The following PRKCB variants were observed in gnomAD, a reference collection of about 807,000 sequenced individuals.
PRKCB encodes protein kinase C beta, also known as protein kinase C beta type.
PRKCB carries 13 observed loss-of-function variants against 81.5 expected under a neutral mutation model. The ratio of observed to expected loss-of-function variants is 0.16; its 90% CI spans 0.10 to 0.25. The LOEUF (loss-of-function observed/expected upper bound fraction) is 0.25. PRKCB is among the 10% of genes least tolerant of loss of function. The probability of loss-of-function intolerance (pLI) is 1.00; values close to 1 mark genes in which losing one functional copy is unlikely to be tolerated. For synonymous variants in PRKCB, 335 were observed against 321.4 expected, an observed-to-expected ratio of 1.04 and a Z score of -0.45; for missense variants, 509 against 875.7, an observed-to-expected ratio of 0.58 and a Z score of 5.29.
chr16:23,907,114 A>G (rs190925373), intron 2 of PRKCB, among the ~76,000 whole-genome samples: 6 of 152,280 alleles, frequency 3.9e-5, no homozygotes, highest in Non-Finnish European at 8.8e-5. Flanking sequence ...TGTCCCATGT[A>G]GTGTAGGATG....
At chr16:24,134,650 G>A (rs1217514510) in intron 9 of PRKCB, among the ~76,000 whole-genome samples, 3 of 152,144 alleles carry the variant, frequency 2.0e-5, no homozygotes, top group Non-Finnish European at 4.4e-5. Context: ...TCAAGAGGCT[G>A]AGGCAGGAGA....
chr16:23,930,367 G>A (rs564930200), intron 2 of PRKCB, among the ~76,000 whole-genome samples: 2 of 152,072 alleles, frequency 1.3e-5, no homozygotes, highest in South Asian at 2.1e-4. Context: ...CCAGGAGTTC[G>A]AAACCAGCCT....
chr16:23,973,553 C>T (rs1171176988), intron 2 of PRKCB, among the ~76,000 whole-genome samples: 1 of 151,916 alleles, frequency 6.6e-6, no homozygotes, highest in Non-Finnish European at 1.5e-5. Flanking sequence ...CTTTTTATTC[C>T]TACTTTATGG....
At chr16:23,918,695 C>T (rs1032514776) in intron 2 of PRKCB, among the ~76,000 whole-genome samples, 1 of 152,150 alleles carries the variant, frequency 6.6e-6, no homozygotes, top group Non-Finnish European at 1.5e-5. Context: ...CCATGCCAGG[C>T]CTTTTGTGTT....
intron 8 of PRKCB, among the ~76,000 whole-genome samples, 180 bp from the exon 9 acceptor site, chr16:24,123,655 G>C (rs974668917): frequency 6.6e-6 from 1 of 152,166 alleles, no homozygotes; most frequent in African/African-American, 2.4e-5. Context: ...ATAAAAGAAA[G>C]ATGGAGTTGC....
chr16:23,989,336 T>C (rs906383237), intron 3 of PRKCB, among the ~76,000 whole-genome samples: 1 of 152,134 alleles, frequency 6.6e-6, no homozygotes, highest in African/African-American at 2.4e-5. Context: ...CCTCCTGCCT[T>C]GGCCTCCCAA....
intron 2 of PRKCB, among the ~76,000 whole-genome samples, chr16:23,898,354 A>G (rs565220964): frequency 1.4e-3 from 219 of 152,196 alleles, no homozygotes; most frequent in African/African-American, 5.1e-3. Context: ...GGCGTGAGCC[A>G]CCGCACTGGA....
intron 9 of PRKCB, among the ~76,000 whole-genome samples, chr16:24,145,142 G>T (rs1966969932): frequency 6.6e-6 from 1 of 152,188 alleles, no homozygotes; most frequent in South Asian, 2.1e-4. Context: ...TAGGGGAAGA[G>T]TCATGCAGGC....
chr16:24,074,504 C>T (rs952843048), intron 5 of PRKCB, among the ~76,000 whole-genome samples: 1 of 152,122 alleles, frequency 6.6e-6, no homozygotes, highest in Non-Finnish European at 1.5e-5. Flanking sequence ...GTGCTTGGCT[C>T]ATATAGTAAG....
chr16:24,096,492 A>G (rs1176642656), intron 7 of PRKCB, among the ~76,000 whole-genome samples: 5 of 151,704 alleles, frequency 3.3e-5, no homozygotes, highest in African/African-American at 9.7e-5. Flanking sequence ...CCTGAAAGAT[A>G]TGAGCAACCC....
intron 2 of PRKCB, among the ~76,000 whole-genome samples, chr16:23,958,424 C>A (rs1388721623): frequency 3.9e-5 from 6 of 152,184 alleles, no homozygotes; most frequent in Non-Finnish European, 8.8e-5. Flanking sequence ...TCTGCCTCAG[C>A]CTCCTGAGTA....
At chr16:23,939,931 A>G in intron 2 of PRKCB, among the ~76,000 whole-genome samples, 1 of 152,204 alleles carries the variant, frequency 6.6e-6, no homozygotes, top group East Asian at 1.9e-4. Flanking sequence ...ATCTGGACCA[A>G]ATATTTGCAA....
intron 2 of PRKCB, among the ~76,000 whole-genome samples, chr16:23,926,276 G>A (rs945660739): frequency 6.6e-6 from 1 of 150,746 alleles, no homozygotes; most frequent in African/African-American, 2.4e-5. Context: ...GTTTTAGTCA[G>A]GACTTCAAGA....
At chr16:24,085,526 T>C (rs1441661388) in intron 5 of PRKCB, among the ~76,000 whole-genome samples, 2 of 152,196 alleles carry the variant, frequency 1.3e-5, no homozygotes, top group Non-Finnish European at 2.9e-5. Context: ...ATATAATTTA[T>C]TGTTAAAATT....
intron 9 of PRKCB, among the ~76,000 whole-genome samples, chr16:24,138,554 T>A (rs921677177): frequency 7.4e-6 from 1 of 135,576 alleles, no homozygotes; most frequent in Admixed American, 7.7e-5. Flanking sequence ...ATTTTATTTA[T>A]GTATTTTTTT....
intron 10 of PRKCB, among the ~76,000 whole-genome samples, chr16:24,161,734 G>A (rs1181443291): frequency 2.0e-5 from 3 of 152,130 alleles, no homozygotes; most frequent in Admixed American, 2.0e-4. Context: ...TCTGAATATG[G>A]ATTTCATCAT....
chr16:24,144,126 G>A (rs1018200820), intron 9 of PRKCB, among the ~76,000 whole-genome samples: 3 of 151,580 alleles, frequency 2.0e-5, no homozygotes, highest in African/African-American at 7.3e-5. Context: ...AGAGAAAGTA[G>A]GAGAGAGAGA....
chr16:23,870,150 G>A (rs1962880688), intron 2 of PRKCB, among the ~76,000 whole-genome samples: 1 of 152,180 alleles, frequency 6.6e-6, no homozygotes, highest in East Asian at 1.9e-4. Flanking sequence ...TATTAGAATG[G>A]TGTTCAAAAC....
At chr16:23,921,260 GTC>G (rs777974276) in intron 2 of PRKCB, among the ~76,000 whole-genome samples, 1 of 152,156 alleles carries the variant, frequency 6.6e-6, no homozygotes, top group Non-Finnish European at 1.5e-5. Flanking sequence ...TGGGCTCTGA[GTC>G]TCTCTAGGTC....
Sources: allele counts gnomAD v4.1 joint callset (sites outside exome capture counted in the v4.1 genomes callset), GRCh38; gene constraint gnomAD v4.1.1; transcripts MANE v1.5; gene names NCBI Gene and HGNC (gene_info 2026-07-23, HGNC 2026-07-21).